The following HRH1 variants were observed in gnomAD, a reference collection of about 807,000 sequenced individuals.
The protein encoded by HRH1 is histamine H1 receptor.
Under a neutral mutation model 10.3 loss-of-function variants are expected in HRH1, and 6 were observed. The ratio of observed to expected loss-of-function variants is 0.58; its 90% CI spans 0.32 to 1.15. The LOEUF (loss-of-function observed/expected upper bound fraction) is 1.15. Ranked by LOEUF, HRH1 falls within the 50% of genes most tolerant of loss-of-function variation. HRH1 has a pLI of 0.05. For missense variants in HRH1, 514 were observed against 615.3 expected (o/e 0.84, Z 1.74); for synonymous variants, 242 against 236.7 (o/e 1.02, Z -0.21).
chr3:11,201,145 T>C (rs903619842), intron 1 of HRH1, among the ~76,000 whole-genome samples: 7 of 152,086 alleles, frequency 4.6e-5, no homozygotes, highest in Non-Finnish European at 7.4e-5. Context: ...AAACTGGAGC[T>C]CAAACAGAGG....
intron 1 of HRH1, among the ~76,000 whole-genome samples, chr3:11,241,165 A>G (rs1221001813): frequency 1.3e-5 from 2 of 152,244 alleles, no homozygotes; most frequent in African/African-American, 4.8e-5. Context: ...AATACCAAAT[A>G]TAATAAGTAT....
intron 1 of HRH1, among the ~76,000 whole-genome samples, chr3:11,137,664 C>T (rs1936209477): frequency 6.6e-6 from 1 of 152,056 alleles, no homozygotes; most frequent in African/African-American, 2.4e-5. Flanking sequence ...CAGTCAGCCC[C>T]CAGTGTTCTG....
chr3:11,168,257 G>T (rs1937086212), intron 1 of HRH1, among the ~76,000 whole-genome samples: 1 of 152,186 alleles, frequency 6.6e-6, no homozygotes, highest in Admixed American at 6.5e-5. Flanking sequence ...GTAGGAGATG[G>T]AGTCAGAGGT....
chr3:11,254,856 G>T (rs1270955629), intron 1 of HRH1, among the ~76,000 whole-genome samples: 1 of 152,240 alleles, frequency 6.6e-6, no homozygotes, highest in African/African-American at 2.4e-5. Flanking sequence ...ACCAAGCAGG[G>T]TAGGGCAGGG....
At chr3:11,182,327 A>G (rs931086760) in intron 1 of HRH1, among the ~76,000 whole-genome samples, 7 of 152,192 alleles carry the variant, frequency 4.6e-5, no homozygotes, top group African/African-American at 1.2e-4. Context: ...TATCAGATAT[A>G]TAGGGTCTCA....
chr3:11,252,070 T>C (rs2152586718), intron 1 of HRH1, among the ~76,000 whole-genome samples: 1 of 152,320 alleles, frequency 6.6e-6, no homozygotes, highest in African/African-American at 2.4e-5. Flanking sequence ...CAGTTACTAA[T>C]AGATGTTTTA....
intron 1 of HRH1, among the ~76,000 whole-genome samples, chr3:11,165,281 G>A (rs1039500070): frequency 1.3e-5 from 2 of 152,118 alleles, no homozygotes; most frequent in African/African-American, 2.4e-5. Context: ...CTCATTCTCC[G>A]CTTGGTATCT....
chr3:11,255,101 G>GAGT (rs1443806040), intron 1 of HRH1, among the ~76,000 whole-genome samples: 2 of 152,164 alleles, frequency 1.3e-5, no homozygotes, highest in Non-Finnish European at 2.9e-5. Context: ...AGACAAGGAT[G>GAGT]TACAAGGAAG....
At chr3:11,142,639 G>A (rs1039251534) in intron 1 of HRH1, among the ~76,000 whole-genome samples, 2 of 152,190 alleles carry the variant, frequency 1.3e-5, no homozygotes, top group Admixed American at 6.5e-5. Context: ...ATGAAGCCAG[G>A]CACAGTGGCT....
At chr3:11,173,974 G>A (rs1388526269) in intron 1 of HRH1, among the ~76,000 whole-genome samples, 1 of 152,186 alleles carries the variant, frequency 6.6e-6, no homozygotes, top group African/African-American at 2.4e-5. Flanking sequence ...AGAATTGTAG[G>A]GCTAGGGGTG....
At chr3:11,176,730 A>G (rs1313256655) in intron 1 of HRH1, among the ~76,000 whole-genome samples, 3 of 152,248 alleles carry the variant, frequency 2.0e-5, no homozygotes, top group Non-Finnish European at 4.4e-5. Flanking sequence ...TGCTGCTAAT[A>G]ATAAAATAAT....
intron 1 of HRH1, among the ~76,000 whole-genome samples, chr3:11,142,211 T>C (rs998015241): frequency 2.6e-5 from 4 of 152,186 alleles, no homozygotes; most frequent in Non-Finnish European, 5.9e-5. Flanking sequence ...GGAAGAGAAT[T>C]ACAGAAAATG....
chr3:11,147,003 T>C (rs1256984959), intron 1 of HRH1, among the ~76,000 whole-genome samples: 1 of 152,146 alleles, frequency 6.6e-6, no homozygotes, highest in East Asian at 1.9e-4. Context: ...CCCAAAGAAG[T>C]AGGAAAAACT....
At chr3:11,152,782 C>T (rs943448420), upstream of HRH1, among the ~76,000 whole-genome samples, 9 of 152,094 alleles carry the variant, frequency 5.9e-5, no homozygotes, top group Middle Eastern at 3.4e-3. Context: ...TATGGAGGCC[C>T]TGGAGAATCA....
At chr3:11,253,596 T>G (rs1205615488) in intron 1 of HRH1, among the ~76,000 whole-genome samples, 2 of 152,198 alleles carry the variant, frequency 1.3e-5, no homozygotes, top group East Asian at 3.8e-4. Flanking sequence ...TGGTAAGATT[T>G]TGGGTGCGGG....
chr3:11,215,642 T>C lies in HRH1; in HGVS notation c.-35-43361T>C, dbSNP rs183222170. On this transcript the variant is annotated intron_variant, in intron 1 of 1. Coordinates refer to ENST00000431010, the MANE Select transcript of HRH1 (RefSeq NM_001098212.2). ...TTTTTTAGTAGAGACAGGGTTTCAC[T>C]GTGTTAGCCAGGATGGTCTTGATCT... 1.6e-3 allele frequency among the ~76,000 whole-genome samples: 247 copies of C among 152,290 alleles called. 4 individuals are homozygous for C. In the East Asian group the frequency reaches 0.033, roughly 20 times the overall value.
At chr3:11,168,313 G>C (rs78501160) in intron 1 of HRH1, among the ~76,000 whole-genome samples, 4 of 152,204 alleles carry the variant, frequency 2.6e-5, no homozygotes, top group Non-Finnish European at 5.9e-5. Flanking sequence ...AGGAGGACTC[G>C]GCTCTTGTTC....
chr3:11,193,828 G>A (rs555018151), intron 1 of HRH1, among the ~76,000 whole-genome samples: 21 of 152,300 alleles, frequency 1.4e-4, no homozygotes, highest in African/African-American at 3.9e-4. Flanking sequence ...ATCCCATTCA[G>A]GAGAGGTTAG....
intron 1 of HRH1, among the ~76,000 whole-genome samples, chr3:11,257,733 C>G (rs1164061887): frequency 6.6e-6 from 1 of 152,072 alleles, no homozygotes; most frequent in Non-Finnish European, 1.5e-5. Context: ...GCCCTGTCAC[C>G]CAAGCTGGAG....
Sources: allele counts gnomAD v4.1 joint callset (sites outside exome capture counted in the v4.1 genomes callset), GRCh38; gene constraint gnomAD v4.1.1; transcripts MANE v1.5; gene names NCBI Gene and HGNC (gene_info 2026-07-23, HGNC 2026-07-21).